FOXO1: variants seen among roughly 807,000 people sequenced by gnomAD.
FOXO1 encodes forkhead box protein O1.
Under a neutral mutation model 44.1 loss-of-function variants are expected in FOXO1, and 6 were observed. The ratio of observed to expected loss-of-function variants is 0.14; its 90% CI spans 0.07 to 0.27. The LOEUF (loss-of-function observed/expected upper bound fraction) is 0.27, where lower values mean the gene tolerates loss of function less well. FOXO1 is among the 10% of genes least tolerant of loss of function. FOXO1 has a pLI of 1.00. For synonymous variants in FOXO1, 380 were observed against 362.7 expected (o/e 1.05, Z -0.54); for missense variants, 737 against 888.8 (o/e 0.83, Z 2.17).
chr13:40,565,649 T>C (rs568732093), intron 1 of FOXO1, among the ~76,000 whole-genome samples: 280 of 152,244 alleles, frequency 1.8e-3, no homozygotes, highest in African/African-American at 6.5e-3. Flanking sequence ...ACCAACACCA[T>C]AGGGGCACTC....
chr13:40,615,510 G>T (rs914967905), intron 1 of FOXO1, among the ~76,000 whole-genome samples: 29 of 151,602 alleles, frequency 1.9e-4, no homozygotes, highest in Admixed American at 1.9e-3. Context: ...CTGGGTGACA[G>T]AGTGAGACTC....
chr13:40,580,638 C>T (rs1415301514), intron 1 of FOXO1, among the ~76,000 whole-genome samples: 1 of 152,104 alleles, frequency 6.6e-6, no homozygotes, highest in Non-Finnish European at 1.5e-5. Flanking sequence ...AATGTCTAGC[C>T]CCTGGCTCCA....
intron 1 of FOXO1, among the ~76,000 whole-genome samples, chr13:40,577,667 C>A (rs1176922894): frequency 6.6e-6 from 1 of 152,196 alleles, no homozygotes; most frequent in Non-Finnish European, 1.5e-5. Context: ...ATTCTCCTCA[C>A]CAGCCCAAAC....
intron 1 of FOXO1, among the ~76,000 whole-genome samples, chr13:40,647,359 G>T (rs1187743177): frequency 1.3e-5 from 2 of 152,106 alleles, no homozygotes; most frequent in Non-Finnish European, 2.9e-5. Context: ...TAAATAAAAT[G>T]ACATTTTCTC....
chr13:40,654,322 TAAA>T (rs11344939), intron 1 of FOXO1, among the ~76,000 whole-genome samples: 12 of 48,192 alleles, frequency 2.5e-4, no homozygotes, highest in African/African-American at 8.0e-4. Context: ...CTAAAAATAC[TAAA>T]AAAAAAAAAA....
At chr13:40,645,447 G>A (rs1435046727) in intron 1 of FOXO1, among the ~76,000 whole-genome samples, 1 of 152,166 alleles carries the variant, frequency 6.6e-6, no homozygotes, top group Admixed American at 6.5e-5. Flanking sequence ...AAGGTGACTT[G>A]CATCATGTTC....
At chr13:40,620,344 G>T in intron 1 of FOXO1, 1 of 756,970 alleles carries the variant, frequency 1.3e-6, no homozygotes, top group Admixed American at 1.9e-5. Context: ...AATAGTGGGG[G>T]CTTCTGCCGA....
At chr13:40,580,446 A>G (rs1454095973) in intron 1 of FOXO1, among the ~76,000 whole-genome samples, 1 of 152,208 alleles carries the variant, frequency 6.6e-6, no homozygotes, top group African/African-American at 2.4e-5. Flanking sequence ...TACATCCAGT[A>G]CTGGCACTTA....
chr13:40,610,741 C>A (rs1220856632), intron 1 of FOXO1, among the ~76,000 whole-genome samples: 1 of 152,140 alleles, frequency 6.6e-6, no homozygotes, highest in Non-Finnish European at 1.5e-5. Flanking sequence ...TCAATATAGG[C>A]TATAAAAACA....
chr13:40,566,857 C>A (rs1293745713), intron 1 of FOXO1, among the ~76,000 whole-genome samples: 1 of 152,032 alleles, frequency 6.6e-6, no homozygotes, highest in African/African-American at 2.4e-5. Context: ...CTTCTAGGAG[C>A]CTGAAGGCCC....
chr13:40,593,905 G>A (rs1415322345), intron 1 of FOXO1, among the ~76,000 whole-genome samples: 1 of 152,182 alleles, frequency 6.6e-6, no homozygotes, highest in African/African-American at 2.4e-5. Flanking sequence ...CACCATTATA[G>A]AGAACTGCCT....
chr13:40,666,479 G>C lies in FOXO1; in HGVS notation c.-267C>G, dbSNP rs558233413. 2.9e-6 allele frequency: 1 copy of C among 348,580 alleles called. No homozygotes were observed. The highest frequency in any genetic ancestry group is 2.1e-5 in the African/African-American group (1 of 47,758). The allele number at this position is 348,580 out of a possible 1,614,324, so 21.6% of individuals were successfully genotyped here. On this transcript the variant is annotated 5_prime_UTR_variant, in exon 1 of 3. Coordinates refer to ENST00000379561, the MANE Select transcript of FOXO1 (RefSeq NM_002015.4). Reference sequence around the variant, plus strand: ...GCCAGAGCCGCCGGGCCGGGGCAGAGCCTGCGCCGCGCTCCAGCTGACAGG... The same window carrying C: ...GCCAGAGCCGCCGGGCCGGGGCAGACCCTGCGCCGCGCTCCAGCTGACAGG...
intron 1 of FOXO1, among the ~76,000 whole-genome samples, chr13:40,561,268 C>T (rs563592961): frequency 2.0e-4 from 29 of 147,286 alleles, no homozygotes; most frequent in African/African-American, 6.5e-4. Context: ...AGGAGAATGG[C>T]GTGAACCTGG....
chr13:40,620,030 G>GACC lies in FOXO1; in HGVS notation c.630+45550_630+45552dup, dbSNP rs1241497585. ...TGTCATAATTCACAAAGGGAAAGTA[G>GACC]ACCAGTACAGCAAACCACTAGAAGA... On this transcript the variant is annotated intron_variant, in intron 1 of 2. Coordinates refer to ENST00000379561, the MANE Select transcript of FOXO1 (RefSeq NM_002015.4). The GACC allele has an allele frequency of 3.0e-5, 25 of 822,250 alleles. No individual in the cohort carries two copies. In the East Asian group the frequency reaches 3.5e-4, roughly 12 times the overall value. 50.9% of individuals were successfully genotyped at this position (822,250 alleles called of 1,614,324 possible).
intron 1 of FOXO1, among the ~76,000 whole-genome samples, chr13:40,642,988 A>T (rs1301292944): frequency 6.6e-6 from 1 of 152,216 alleles, no homozygotes; most frequent in African/African-American, 2.4e-5. Flanking sequence ...CCTGAAAACC[A>T]CAAACAGCAT....
At chr13:40,593,148 C>T (rs987987312) in intron 1 of FOXO1, among the ~76,000 whole-genome samples, 4 of 152,034 alleles carry the variant, frequency 2.6e-5, no homozygotes, top group Admixed American at 6.6e-5. Context: ...CTCAGCCTCC[C>T]GAATAGCTGG....
intron 1 of FOXO1, among the ~76,000 whole-genome samples, chr13:40,650,967 C>T (rs1371919921): frequency 6.6e-6 from 1 of 152,176 alleles, no homozygotes; most frequent in Admixed American, 6.6e-5. Context: ...GTTAGCCAGG[C>T]TGATCTCAAA....
intron 1 of FOXO1, among the ~76,000 whole-genome samples, chr13:40,582,032 C>T (rs901361917): frequency 6.6e-6 from 1 of 152,124 alleles, no homozygotes; most frequent in African/African-American, 2.4e-5. Context: ...AATATGGGTA[C>T]TAATTATATT....
intron 1 of FOXO1, among the ~76,000 whole-genome samples, chr13:40,603,483 T>C (rs1222512602): frequency 6.6e-6 from 1 of 152,110 alleles, no homozygotes; most frequent in Non-Finnish European, 1.5e-5. Flanking sequence ...TACATATATA[T>C]GTATTCCTTA....
Sources: allele counts gnomAD v4.1 joint callset (sites outside exome capture counted in the v4.1 genomes callset), GRCh38; gene constraint gnomAD v4.1.1; transcripts MANE v1.5; gene names NCBI Gene and HGNC (gene_info 2026-07-23, HGNC 2026-07-21).